NTM: variants seen among roughly 807,000 people sequenced by gnomAD.
NTM encodes neurotrimin, also known as IgLON family member 2.
A neutral mutation model predicts 42.1 loss-of-function variants in NTM; 13 were observed. The observed-to-expected ratio is 0.31, with a 90% CI of 0.20 to 0.49. NTM has a LOEUF of 0.49. NTM is among the 20% of genes least tolerant of loss of function. NTM has a pLI of 0.99. For missense variants in NTM, 373 were observed against 452.8 expected (o/e 0.82, Z 1.60); for synonymous variants, 187 against 179.2 (o/e 1.04, Z -0.35).
chr11:131,491,262 C>T (rs1954757580), intron 1 of NTM, among the ~76,000 whole-genome samples: 2 of 152,106 alleles, frequency 1.3e-5, no homozygotes, highest in Non-Finnish European at 2.9e-5. Context: ...TCTTTCTATT[C>T]TTTCTATAGG....
In NTM at chr11:132,147,539, T is replaced by G. The variant is rs544246166; in HGVS notation, c.400+1025T>G. 4.2e-5 allele frequency among the ~76,000 whole-genome samples: 6 copies of G among 141,894 alleles called. No homozygotes were observed. In the South Asian group the frequency reaches 1.4e-3, roughly 33 times the overall value. 93.1% of individuals were successfully genotyped at this position (141,894 alleles called of 152,430 possible). On this transcript the variant is annotated intron_variant, in intron 3 of 8. Coordinates refer to ENST00000683400, the MANE Select transcript of NTM (RefSeq NM_001352005.2). ...GGCACATACAAGTGCTATTTCAGTG[T>G]TAGCTATGGAGCTTTCTTTTCTCTT... is the stretch of plus-strand genomic sequence containing the variant.
intron 1 of NTM, among the ~76,000 whole-genome samples, chr11:131,838,531 C>G (rs1224558502): frequency 1.3e-5 from 2 of 152,120 alleles, no homozygotes; most frequent in African/African-American, 2.4e-5. Context: ...TAATGTCTAT[C>G]TTTTGATGTT....
At chr11:132,181,213 T>C (rs1172968744) in intron 3 of NTM, among the ~76,000 whole-genome samples, 1 of 152,192 alleles carries the variant, frequency 6.6e-6, no homozygotes, top group East Asian at 1.9e-4. Flanking sequence ...TCCATCTCAG[T>C]TTCTTTTCTT....
At chr11:131,510,485 G>A (rs890858095) in intron 1 of NTM, among the ~76,000 whole-genome samples, 1 of 152,172 alleles carries the variant, frequency 6.6e-6, no homozygotes, top group Non-Finnish European at 1.5e-5. Context: ...GAGCCAGACA[G>A]ATTTCAGTTC....
intron 2 of NTM, among the ~76,000 whole-genome samples, chr11:132,119,212 T>C (rs2136899255): frequency 6.6e-6 from 1 of 152,326 alleles, no homozygotes; most frequent in African/African-American, 2.4e-5. Flanking sequence ...CCCTGGACAC[T>C]GGATTTGTAA....
chr11:131,894,228 C>T (rs1288043285), intron 1 of NTM, among the ~76,000 whole-genome samples: 6 of 152,178 alleles, frequency 3.9e-5, no homozygotes, highest in East Asian at 3.9e-4. Flanking sequence ...TTAGGAGACA[C>T]GAGCCAGTTA....
intron 1 of NTM, among the ~76,000 whole-genome samples, chr11:131,589,169 G>A (rs2059143707): frequency 7.1e-6 from 1 of 141,106 alleles, no homozygotes; most frequent in African/African-American, 2.8e-5. Context: ...CTGGAAAAAT[G>A]TGTGTGTGTG....
chr11:131,414,714 A>G (rs554164931), intron 1 of NTM, among the ~76,000 whole-genome samples: 32 of 152,260 alleles, frequency 2.1e-4, no homozygotes, highest in African/African-American at 7.2e-4. Context: ...GAGATCCTTA[A>G]TTGGTTCCTC....
At chr11:131,843,495 C>T (rs1324469497) in intron 1 of NTM, among the ~76,000 whole-genome samples, 1 of 152,194 alleles carries the variant, frequency 6.6e-6, no homozygotes, top group Non-Finnish European at 1.5e-5. Flanking sequence ...ATGACTATTA[C>T]CACTGTTTAG....
intron 1 of NTM, among the ~76,000 whole-genome samples, chr11:131,540,251 GCCT>G (rs1374434422): frequency 2.4e-5 from 3 of 126,696 alleles, no homozygotes; most frequent in Non-Finnish European, 3.1e-5. Context: ...TGCAACATCC[GCCT>G]CCTCAGTTCA....
At chr11:131,505,654 CAG>C (rs2047394286) in intron 1 of NTM, among the ~76,000 whole-genome samples, 2 of 152,196 alleles carry the variant, frequency 1.3e-5, no homozygotes. Flanking sequence ...ACCACCATGG[CAG>C]AGTGTGTTAA....
chr11:132,039,947 CAG>C (rs2076974838), intron 2 of NTM, among the ~76,000 whole-genome samples: 1 of 151,764 alleles, frequency 6.6e-6, no homozygotes, highest in South Asian at 2.1e-4. Flanking sequence ...TTTTTGGAGA[CAG>C]AGTCTCGCTC....
At chr11:131,507,814 A>C (rs1461017526) in intron 1 of NTM, among the ~76,000 whole-genome samples, 1 of 150,222 alleles carries the variant, frequency 6.7e-6, no homozygotes, top group African/African-American at 2.5e-5. Flanking sequence ...ATTCTCTTTG[A>C]AGCAATTGTG....
rs140200888 is a variant in NTM, at chr11:132,037,178, G to T, written c.168-109104G>T. The stretch of plus-strand genomic sequence containing the variant: ...TGAATAGATTAATGCTTCCTCTTGG[G>T]GGGTGAGTGAGCTCTTGCTCTGTTA... On this transcript the variant is annotated intron_variant, in intron 2 of 8. Coordinates refer to ENST00000683400, the MANE Select transcript of NTM (RefSeq NM_001352005.2). Among the ~76,000 whole-genome samples, 65 of 152,170 alleles carry T rather than the reference G, an allele frequency of 4.3e-4. 2 individuals carry two copies. The highest frequency in any genetic ancestry group is 3.4e-3 in the Middle Eastern group (1 of 292).
intron 2 of NTM, among the ~76,000 whole-genome samples, chr11:132,007,237 T>C (rs571267573): frequency 6.6e-6 from 1 of 152,332 alleles, no homozygotes; most frequent in Non-Finnish European, 1.5e-5. Flanking sequence ...TAGCCAGGAA[T>C]TGAAGGCTTT....
chr11:131,407,486 C>G (rs188059756), intron 1 of NTM, among the ~76,000 whole-genome samples: 2 of 152,134 alleles, frequency 1.3e-5, no homozygotes, highest in Non-Finnish European at 2.9e-5. Context: ...GTGGGACATG[C>G]AGAACATATG....
intron 1 of NTM, chr11:131,767,140 G>C: frequency 1.0e-6 from 1 of 982,690 alleles, no homozygotes; most frequent in Non-Finnish European, 1.2e-6. Context: ...CAACAGTTCA[G>C]GCTCCAGATT....
chr11:131,764,410 T>C (rs1485898179), intron 1 of NTM, among the ~76,000 whole-genome samples: 2 of 152,102 alleles, frequency 1.3e-5, no homozygotes, highest in African/African-American at 4.8e-5. Context: ...TACCCTGTGT[T>C]GAGAGACACA....
At chr11:132,159,201 G>A (rs2073826781) in intron 3 of NTM, among the ~76,000 whole-genome samples, 1 of 152,124 alleles carries the variant, frequency 6.6e-6, no homozygotes, top group African/African-American at 2.4e-5. Flanking sequence ...TTGAGGGGCT[G>A]GACAAACAGG....
Sources: gnomAD v4.1 joint callset for allele counts (sites outside exome capture counted in the v4.1 genomes callset) on GRCh38, gnomAD v4.1.1 for gene constraint, MANE v1.5 for transcripts, NCBI Gene and HGNC (gene_info 2026-07-23, HGNC 2026-07-21) for gene names.